Variants in BTNL8 observed in about 807,000 individuals in gnomAD.
The protein encoded by BTNL8 is butyrophilin-like protein 8.
In BTNL8, 22 loss-of-function variants were observed where a neutral mutation model predicts 36.1. That is an observed-to-expected ratio of 0.61 (90% CI 0.44 to 0.87). The LOEUF is 0.87. Among genes scored for constraint, BTNL8 ranks in the 40% least tolerant of loss-of-function variants. BTNL8 has a pLI of 0.00. For missense variants in BTNL8, 526 were observed against 616.9 expected (o/e 0.85, Z 1.56); for synonymous variants, 203 against 235.6 (o/e 0.86, Z 1.27).
At chr5:180,911,736 A>G (rs1207846211) in intron 3 of BTNL8, 122 bp downstream of exon 3, 1 of 1,058,850 alleles carries the variant, frequency 9.4e-7, no homozygotes. Flanking sequence ...ATTTATTTTA[A>G]AAGTTTAAAA....
At chr5:180,948,592 A>C in intron 5 of BTNL8, 7 of 1,209,498 alleles carry the variant, frequency 5.8e-6, no homozygotes, top group Non-Finnish European at 8.0e-6. Context: ...GGAAGTCCCC[A>C]CAAATTGTCT....
At chr5:180,937,022 A>T (rs1327444066) in intron 3 of BTNL8, among the ~76,000 whole-genome samples, 1 of 152,142 alleles carries the variant, frequency 6.6e-6, no homozygotes, top group African/African-American at 2.4e-5. Context: ...ACCTGCTGCC[A>T]TGACTTCATA....
chr5:180,922,859 T>C (rs1406505622), intron 3 of BTNL8, among the ~76,000 whole-genome samples: 3 of 152,110 alleles, frequency 2.0e-5, no homozygotes, highest in Non-Finnish European at 1.5e-5. Flanking sequence ...ACTTGCTTTA[T>C]GAATCTGGGT....
chr5:180,930,261 C>T (rs1420773889), intron 3 of BTNL8, among the ~76,000 whole-genome samples: 1 of 152,120 alleles, frequency 6.6e-6, no homozygotes, highest in African/African-American at 2.4e-5. Flanking sequence ...ATTAAACACC[C>T]CTTCATGCTA....
In BTNL8 at chr5:180,906,923, T is replaced by C. The variant is rs1287608082; in HGVS notation, c.50-1663T>C. Reference sequence around the variant, plus strand: ...AGTCTGATGGGCTTCCCTTTGAGGGTAACCCGACCTTTCTCTCTGGCTGCC... The same window carrying C: ...AGTCTGATGGGCTTCCCTTTGAGGGCAACCCGACCTTTCTCTCTGGCTGCC... On this transcript the variant is annotated intron_variant, in intron 1 of 7. Coordinates refer to ENST00000340184, the MANE Select transcript of BTNL8 (RefSeq NM_001040462.3). Among the ~76,000 whole-genome samples, 6 of 84,874 alleles carry C rather than the reference T, an allele frequency of 7.1e-5. 1 individual carries two copies. The highest frequency in any genetic ancestry group is 1.3e-4 in the Non-Finnish European group (6 of 46,684). The allele number at this position is 84,874 out of a possible 152,430, so 55.7% of individuals were successfully genotyped here.
At chr5:180,939,756 A>G (rs1758835195) in intron 3 of BTNL8, among the ~76,000 whole-genome samples, 1 of 152,232 alleles carries the variant, frequency 6.6e-6, no homozygotes, top group Non-Finnish European at 1.5e-5. Context: ...GCAGATATTT[A>G]CATAACATTT....
chr5:180,947,218 C>T (rs1393587670), intron 3 of BTNL8, among the ~76,000 whole-genome samples: 1 of 152,186 alleles, frequency 6.6e-6, no homozygotes, highest in Non-Finnish European at 1.5e-5. Flanking sequence ...AGCCCAGAAA[C>T]AAATCCAAAC....
chr5:180,945,156 C>T (rs968151129), intron 3 of BTNL8, among the ~76,000 whole-genome samples: 35 of 152,174 alleles, frequency 2.3e-4, no homozygotes, highest in African/African-American at 8.4e-4. Flanking sequence ...TTTGGAAGTA[C>T]GCCCATGTGT....
At chr5:180,929,177 C>G (rs990630907) in intron 3 of BTNL8, among the ~76,000 whole-genome samples, 13 of 152,144 alleles carry the variant, frequency 8.5e-5, no homozygotes, top group African/African-American at 3.1e-4. Context: ...AACCACAAAA[C>G]TACATGGAAA....
At chr5:180,901,057 T>A (rs1756803825) in intron 1 of BTNL8, among the ~76,000 whole-genome samples, 1 of 152,068 alleles carries the variant, frequency 6.6e-6, no homozygotes, top group Non-Finnish European at 1.5e-5. Flanking sequence ...GGACTCAGGG[T>A]TGGGTGGTGA....
At chr5:180,922,801 C>T (rs1302808237) in intron 3 of BTNL8, among the ~76,000 whole-genome samples, 1 of 151,710 alleles carries the variant, frequency 6.6e-6, no homozygotes, top group East Asian at 1.9e-4. Flanking sequence ...GTTGAAGTCT[C>T]CCACTATTAT....
At chr5:180,909,158 C>T (rs371159049) in intron 2 of BTNL8, among the ~76,000 whole-genome samples, 14 of 152,162 alleles carry the variant, frequency 9.2e-5, no homozygotes, top group South Asian at 2.1e-4. Flanking sequence ...CCCATCATCA[C>T]GAAGATCTCC....
In BTNL8 at chr5:180,906,359, G is replaced by A. The variant is rs1218006747; in HGVS notation, c.50-2227G>A. Among the ~76,000 whole-genome samples the A allele has an allele frequency of 3.3e-5, 4 of 120,396 alleles. 1 individual carries two copies. Among genetic ancestry groups the A allele is most frequent in the Admixed American group, 2.4e-4 (3 of 12,524 alleles). 79.0% of individuals were successfully genotyped at this position (120,396 alleles called of 152,430 possible). A position where few individuals can be genotyped will look rare whatever the true frequency, so the allele number is the denominator to read the frequency against. ...AGGATTGCAACCCCTGCCTTTTTTT[G>A]TTTTCCATTGGCTTGGTAGATCTTC... On this transcript the variant is annotated intron_variant, in intron 1 of 7. Coordinates refer to ENST00000340184, the MANE Select transcript of BTNL8 (RefSeq NM_001040462.3).
chr5:180,907,740 G>C (rs1274884427), intron 1 of BTNL8, among the ~76,000 whole-genome samples: 89 of 152,008 alleles, frequency 5.9e-4, no homozygotes, highest in South Asian at 8.3e-4. Context: ...TTCTAACAGA[G>C]AGGACCCTCA....
At chr5:180,920,807 T>C (rs1757830395) in intron 3 of BTNL8, among the ~76,000 whole-genome samples, 1 of 152,034 alleles carries the variant, frequency 6.6e-6, no homozygotes, top group Non-Finnish European at 1.5e-5. Flanking sequence ...CCAAAAGACA[T>C]ATAAATATTA....
At chr5:180,905,969 G>A (rs1757062498) in intron 1 of BTNL8, among the ~76,000 whole-genome samples, 1 of 138,080 alleles carries the variant, frequency 7.2e-6, no homozygotes, top group East Asian at 2.1e-4. Flanking sequence ...TAACAGGTGT[G>A]GTGTGGTGCT....
chr5:180,936,093 G>T (rs35316424), intron 3 of BTNL8, among the ~76,000 whole-genome samples: 67,944 of 151,330 alleles, frequency 0.45, 16,325 homozygotes, highest in African/African-American at 0.63. Context: ...GTATTTTTAG[G>T]AGAGACAGGT....
At chr5:180,901,550 C>G (rs1756822024) in intron 1 of BTNL8, among the ~76,000 whole-genome samples, 1 of 152,142 alleles carries the variant, frequency 6.6e-6, no homozygotes, top group Admixed American at 6.6e-5. Flanking sequence ...ACTGTGGAGC[C>G]TGTTCTGTGT....
intron 3 of BTNL8, chr5:180,945,700 G>T: frequency 2.8e-6 from 1 of 361,336 alleles, no homozygotes; most frequent in East Asian, 7.2e-5. Flanking sequence ...ACAACAGGGA[G>T]AGTGTAGGCT....
Sources: gnomAD v4.1 joint callset for allele counts (sites outside exome capture counted in the v4.1 genomes callset) on GRCh38, gnomAD v4.1.1 for gene constraint, MANE v1.5 for transcripts, NCBI Gene and HGNC (gene_info 2026-07-23, HGNC 2026-07-21) for gene names.